The following SMAD2 variants were observed in gnomAD, a reference collection of about 807,000 sequenced individuals.
SMAD2 encodes the protein SMAD family member 2.
SMAD2 carries 8 observed loss-of-function variants against 64.4 expected under a neutral mutation model. The ratio of observed to expected loss-of-function variants is 0.12; its 90% CI spans 0.07 to 0.22. The LOEUF (loss-of-function observed/expected upper bound fraction) is 0.22, where lower values mean the gene tolerates loss of function less well. Ranked by LOEUF, SMAD2 falls within the 10% of genes least tolerant of loss-of-function variation. The probability of loss-of-function intolerance (pLI) is 1.00; values close to 1 mark genes in which losing one functional copy is unlikely to be tolerated. For missense variants in SMAD2, 289 were observed against 561.2 expected, an observed-to-expected ratio of 0.51 and a Z score of 4.90; for synonymous variants, 203 against 195.8, an observed-to-expected ratio of 1.04 and a Z score of -0.31.
chr18:47,815,378 CATTG>C lies in SMAD2; in HGVS notation c.*26445_*26448del, dbSNP rs1006727170. ...TGTGGGAGCTGGGAAGAGGGAAGAA[CATTG>C]ATAGAAAATCTGAAAGCCCACAGGG... On this transcript the variant is annotated 3_prime_UTR_variant, in exon 11 of 11. Coordinates refer to ENST00000262160, the MANE Select transcript of SMAD2 (RefSeq NM_005901.6). 2 of 152,150 alleles carry C rather than the reference CATTG, an allele frequency of 1.3e-5. No homozygotes were observed. Among genetic ancestry groups the C allele is most frequent in the Admixed American group, 6.5e-5 (1 of 15,274 alleles). The allele number at this position is 152,150 out of a possible 1,614,324, so 9.4% of individuals were successfully genotyped here.
At chr18:47,852,913 A>G (rs1432099062) in intron 6 of SMAD2, among the ~76,000 whole-genome samples, 1 of 152,224 alleles carries the variant, frequency 6.6e-6, no homozygotes, top group African/African-American at 2.4e-5. Flanking sequence ...ACATTGTTAA[A>G]TAATCTTATT....
Position 47,911,695 on chromosome 18 carries a change from A to C in SMAD2, c.-53-14886T>G, listed in dbSNP as rs3813068. ...GAAATGGTGGGAAAGTGAGGTTTGC[A>C]TAGAATTAGGGAACTGTAATGCAAA... is the stretch of plus-strand genomic sequence containing the variant. On this transcript the variant is annotated intron_variant, in intron 1 of 10. Coordinates refer to ENST00000262160, the MANE Select transcript of SMAD2 (RefSeq NM_005901.6). 1.4e-4 allele frequency among the ~76,000 whole-genome samples: 22 copies of C among 152,096 alleles called. 2 individuals are homozygous for C. The East Asian group carries it at 4.3e-3, about 29-fold the overall frequency.
Position 47,822,231 on chromosome 18 carries a change from G to A in SMAD2, c.*19596C>T, listed in dbSNP as rs368583968. The stretch of plus-strand genomic sequence containing the variant: ...TAACCAAAACTCTTTGTCTATTTCT[G>A]GTTATGGTAAACTCTCATCAGATTT... On this transcript the variant is annotated 3_prime_UTR_variant, in exon 11 of 11. Coordinates refer to ENST00000262160, the MANE Select transcript of SMAD2 (RefSeq NM_005901.6). 25 of 152,138 alleles carry A rather than the reference G, an allele frequency of 1.6e-4. No individual in the cohort carries two copies. The highest frequency in any genetic ancestry group is 6.0e-4 in the African/African-American group (25 of 41,420). The allele number at this position is 152,138 out of a possible 1,614,324, so 9.4% of individuals were successfully genotyped here. A position where few individuals can be genotyped will look rare whatever the true frequency, so the allele number is the denominator to read the frequency against.
rs1490126941 is a variant in SMAD2 at position 47,856,672 on chromosome 18, G to C, written c.731-5345C>G. ...ACATATAGTGTAATAAACAAGAACA[G>C]GAACTCTAGAATCTGACATCCTACT... On this transcript the variant is annotated intron_variant, in intron 6 of 10. Coordinates refer to ENST00000262160, the MANE Select transcript of SMAD2 (RefSeq NM_005901.6). Among the ~76,000 whole-genome samples the C allele has an allele frequency of 3.3e-5, 5 of 152,114 alleles. No homozygotes were observed. The East Asian group carries it at 7.7e-4, about 24-fold the overall frequency.
chr18:47,894,539 C>T (rs1280999932), intron 2 of SMAD2, among the ~76,000 whole-genome samples: 1 of 152,152 alleles, frequency 6.6e-6, no homozygotes, highest in Non-Finnish European at 1.5e-5. Flanking sequence ...TCCTCCCCCA[C>T]CTCCCAATCT....
intron 6 of SMAD2, among the ~76,000 whole-genome samples, chr18:47,856,766 T>C (rs1051877355): frequency 2.6e-5 from 4 of 152,170 alleles, no homozygotes; most frequent in Non-Finnish European, 4.4e-5. Flanking sequence ...TAATTTCTGG[T>C]AAAAGTTGAA....
intron 2 of SMAD2, among the ~76,000 whole-genome samples, chr18:47,896,270 G>A (rs1379630535): frequency 1.3e-5 from 2 of 152,214 alleles, no homozygotes; most frequent in African/African-American, 4.8e-5. Context: ...TCACGGAAAT[G>A]AGGATAACAT....
chr18:47,882,041 C>CTTTTTTTTT (rs71162900), intron 2 of SMAD2, among the ~76,000 whole-genome samples: 527 of 38,856 alleles, frequency 0.014, 130 homozygotes, highest in African/African-American at 0.032. Flanking sequence ...CCACGCTTGG[C>CTTTTTTTTT]TTTTTTTTTT....
chr18:47,923,016 T>C (rs2034623553), intron 1 of SMAD2, among the ~76,000 whole-genome samples: 2 of 151,500 alleles, frequency 1.3e-5, no homozygotes, highest in Admixed American at 1.3e-4. Flanking sequence ...TTAGCAAAAG[T>C]CCACATTAAA....
At chr18:47,850,895 C>T (rs1374347662) in intron 7 of SMAD2, among the ~76,000 whole-genome samples, 5 of 87,918 alleles carry the variant, frequency 5.7e-5, no homozygotes, top group African/African-American at 2.2e-4. Flanking sequence ...AATCCCCATA[C>T]TACGTATACA....
In SMAD2 at chr18:47,833,382, T is replaced by A; in HGVS notation, c.*8445A>T. 4.5e-6 allele frequency: 1 copy of A among 222,598 alleles called. No homozygotes were observed. The highest frequency in any genetic ancestry group is 9.0e-6 in the Non-Finnish European group (1 of 111,236). The allele number at this position is 222,598 out of a possible 1,614,324, so 13.8% of individuals were successfully genotyped here. A position where few individuals can be genotyped will look rare whatever the true frequency, so the allele number is the denominator to read the frequency against. On this transcript the variant is annotated 3_prime_UTR_variant, in exon 11 of 11. Transcript: ENST00000262160. The stretch of plus-strand genomic sequence containing the variant: ...ATTTTAACTTGAAAACCAGCTGTAA[T>A]AAAGCCTCAGCTCATTGTTTAATAA...
Position 47,840,807 on chromosome 18 carries a change from T to A in SMAD2, c.*1020A>T, listed in dbSNP as rs943708836. The A allele has an allele frequency of 1.7e-5, 4 of 231,606 alleles. No homozygotes were observed. Among genetic ancestry groups the A allele is most frequent in the Middle Eastern group, 1.3e-3 (1 of 794 alleles). The allele number at this position is 231,606 out of a possible 1,614,324, so 14.3% of individuals were successfully genotyped here. On this transcript the variant is annotated 3_prime_UTR_variant, in exon 11 of 11. Transcript: ENST00000262160. ...AACGGTATTTATAGATTAGCTTTTT[T>A]AAAAAGGGATAAATATGTGGAAGTA...
intron 6 of SMAD2, chr18:47,853,530 G>T (rs1249605642): frequency 1.2e-5 from 2 of 166,488 alleles, no homozygotes; most frequent in African/African-American, 2.6e-5. Flanking sequence ...TCTCGAGAGG[G>T]AAAAAAAAAA....
At chr18:47,911,243 C>G (rs528939698) in intron 1 of SMAD2, among the ~76,000 whole-genome samples, 1 of 151,536 alleles carries the variant, frequency 6.6e-6, no homozygotes, top group East Asian at 1.9e-4. Flanking sequence ...CCCAACTACT[C>G]GTGAGGCTGA....
rs1398843995 is a variant in SMAD2, at chr18:47,930,623, C to A, written c.-316G>T. On this transcript the variant is annotated 5_prime_UTR_variant, in exon 1 of 11. Coordinates refer to ENST00000262160, the MANE Select transcript of SMAD2 (RefSeq NM_005901.6). ...GGAAGGGGAGGGGAGGGAGCCTGGC[C>A]GCCGCCCGCGGGGAAGGAGGGGGTG... The A allele has an allele frequency of 1.3e-5, 2 of 148,894 alleles. No individual in the cohort carries two copies. Among genetic ancestry groups the A allele is most frequent in the Non-Finnish European group, 3.0e-5 (2 of 67,278 alleles). 9.2% of individuals were successfully genotyped at this position (148,894 alleles called of 1,614,324 possible). A position where few individuals can be genotyped will look rare whatever the true frequency, so the allele number is the denominator to read the frequency against.
rs150765891 is a variant in SMAD2 at position 47,883,198 on chromosome 18, T to C, written c.237-12634A>G. On this transcript the variant is annotated intron_variant, in intron 2 of 10. Coordinates refer to ENST00000262160, the MANE Select transcript of SMAD2 (RefSeq NM_005901.6). ...CACTCTTTCAGCTACATCCCACATA[T>C]GTGATATGCTGTATTTTCATTATAA... 3.2e-3 allele frequency among the ~76,000 whole-genome samples: 483 copies of C among 152,390 alleles called. 13 individuals carry two copies. Among genetic ancestry groups the C allele is most frequent in the Admixed American group, 0.025 (382 of 15,304 alleles).
chr18:47,864,162 G>A (rs937691883), intron 6 of SMAD2, among the ~76,000 whole-genome samples: 3 of 152,190 alleles, frequency 2.0e-5, no homozygotes, highest in Non-Finnish European at 2.9e-5. Flanking sequence ...TGTATAACAC[G>A]TTATTTCCAA....
Position 47,832,988 on chromosome 18 carries a change from T to G in SMAD2, c.*8839A>C, listed in dbSNP as rs1222750468. Reference sequence around the variant, plus strand: ...ATGTCCATATGTGAAATACAATCACTTTTTTTGGTTTCCATATAATTTAGG... The same window carrying G: ...ATGTCCATATGTGAAATACAATCACGTTTTTTGGTTTCCATATAATTTAGG... On this transcript the variant is annotated 3_prime_UTR_variant, in exon 11 of 11. Transcript: ENST00000262160. 1 of 171,382 alleles carries G rather than the reference T, an allele frequency of 5.8e-6. No homozygotes were observed. Among genetic ancestry groups the G allele is most frequent in the East Asian group, 1.1e-4 (1 of 9,240 alleles). The allele number at this position is 171,382 out of a possible 1,614,324, so 10.6% of individuals were successfully genotyped here. A position where few individuals can be genotyped will look rare whatever the true frequency, so the allele number is the denominator to read the frequency against.
intron 6 of SMAD2, among the ~76,000 whole-genome samples, chr18:47,856,311 C>T (rs552061301): frequency 5.3e-5 from 8 of 152,012 alleles, no homozygotes; most frequent in Non-Finnish European, 1.2e-4. Context: ...GTGTTGTATA[C>T]TGGAAATTTA....
Sources: gnomAD v4.1 joint callset for allele counts (sites outside exome capture counted in the v4.1 genomes callset) on GRCh38, gnomAD v4.1.1 for gene constraint, MANE v1.5 for transcripts, NCBI Gene and HGNC (gene_info 2026-07-23, HGNC 2026-07-21) for gene names.